Variants in MELK observed in about 807,000 individuals in gnomAD.
The protein encoded by MELK is pEg3 kinase.
MELK carries 81 observed loss-of-function variants against 85.0 expected under a neutral mutation model. The observed-to-expected ratio is 0.95, with a 90% confidence interval of 0.80 to 1.15. The LOEUF (loss-of-function observed/expected upper bound fraction) is 1.15. Among genes scored for constraint, MELK ranks in the 50% most tolerant of loss-of-function variants. The pLI is 0.00. For missense variants in MELK, 754 were observed against 777.5 expected, an observed-to-expected ratio of 0.97 and a Z score of 0.36; for synonymous variants, 252 against 265.0, an observed-to-expected ratio of 0.95 and a Z score of 0.48.
chr9:36,602,139 A>G (rs552663479), intron 7 of MELK, among the ~76,000 whole-genome samples: 1 of 152,006 alleles, frequency 6.6e-6, no homozygotes. Context: ...ATTTTGTGGA[A>G]TCTCCATACT....
At chr9:36,607,757 C>A in intron 8 of MELK, 84 bp downstream of exon 8, 1 of 1,005,906 alleles carries the variant, frequency 9.9e-7, no homozygotes, top group Non-Finnish European at 1.5e-6. Context: ...TGTACAAAAA[C>A]AGGCATAAAA....
At chr9:36,603,507 C>T (rs892905014) in intron 7 of MELK, among the ~76,000 whole-genome samples, 2 of 151,844 alleles carry the variant, frequency 1.3e-5, no homozygotes, top group Non-Finnish European at 2.9e-5. Context: ...CTATGGCTCA[C>T]GGTAGCCTTT....
intron 16 of MELK, among the ~76,000 whole-genome samples, chr9:36,674,473 A>G (rs901925958): frequency 6.6e-6 from 1 of 152,208 alleles, no homozygotes; most frequent in Non-Finnish European, 1.5e-5. Flanking sequence ...TTTCCGTGGT[A>G]TACATTTCAG....
intron 2 of MELK, among the ~76,000 whole-genome samples, chr9:36,582,116 C>T (rs537021397): frequency 6.6e-5 from 10 of 152,008 alleles, no homozygotes; most frequent in Non-Finnish European, 1.0e-4. Context: ...GGACTACAGG[C>T]GCTCGCCATG....
At chr9:36,578,200 A>T (rs1477809709) in intron 1 of MELK, among the ~76,000 whole-genome samples, 2 of 151,150 alleles carry the variant, frequency 1.3e-5, no homozygotes, top group East Asian at 3.9e-4. Context: ...AAGTCTTTAC[A>T]ACTGTTACTG....
chr9:36,661,123 C>G (rs1041025982), intron 13 of MELK, among the ~76,000 whole-genome samples: 16 of 152,196 alleles, frequency 1.1e-4, no homozygotes, highest in African/African-American at 2.4e-4. Context: ...TGTTCTGCCC[C>G]CTCCAGCGGC....
chr9:36,675,529 A>G (rs1307476354), intron 17 of MELK, among the ~76,000 whole-genome samples: 3 of 152,216 alleles, frequency 2.0e-5, no homozygotes, highest in African/African-American at 7.2e-5. Context: ...TGTCTGCTTT[A>G]CAATAATATT....
intron 1 of MELK, among the ~76,000 whole-genome samples, chr9:36,575,025 A>G (rs566193216): frequency 3.9e-5 from 6 of 152,022 alleles, no homozygotes; most frequent in Non-Finnish European, 7.4e-5. Flanking sequence ...AATCCCAGCT[A>G]CTTGGGAGGC....
At chr9:36,589,920 GTTT>G (rs566073692) in intron 4 of MELK, among the ~76,000 whole-genome samples, 1 of 125,804 alleles carries the variant, frequency 7.9e-6, no homozygotes. Flanking sequence ...ACTCATTCTA[GTTT>G]TTTTTTTTTT....
intron 8 of MELK, among the ~76,000 whole-genome samples, chr9:36,616,811 A>AC (rs1234462443): frequency 7.1e-6 from 1 of 140,614 alleles, no homozygotes; most frequent in Non-Finnish European, 1.5e-5. Flanking sequence ...TCTTTCTGCT[A>AC]CCCCCTTCCC....
At chr9:36,650,388 T>A (rs1830599313) in intron 11 of MELK, among the ~76,000 whole-genome samples, 1 of 152,180 alleles carries the variant, frequency 6.6e-6, no homozygotes, top group African/African-American at 2.4e-5. Context: ...CACCAAGGCC[T>A]GTTCTAGTGG....
chr9:36,601,013 T>C (rs1824861640), intron 7 of MELK, among the ~76,000 whole-genome samples: 2 of 152,198 alleles, frequency 1.3e-5, no homozygotes, highest in East Asian at 3.8e-4. Context: ...TCTATGTTTA[T>C]ATATATGCAT....
At chr9:36,584,588 C>T (rs867284845) in intron 3 of MELK, among the ~76,000 whole-genome samples, 4 of 151,218 alleles carry the variant, frequency 2.6e-5, no homozygotes, top group African/African-American at 9.7e-5. Flanking sequence ...GTGCCTCGAC[C>T]TCCCAAAGTG....
intron 13 of MELK, among the ~76,000 whole-genome samples, 185 bp from the exon 14 acceptor site, chr9:36,665,165 C>T (rs925820217): frequency 1.3e-5 from 2 of 152,086 alleles, no homozygotes; most frequent in Admixed American, 1.3e-4. Flanking sequence ...ATAGAACAGA[C>T]TAAAGTGATC....
chr9:36,619,266 ACGT>A (rs1827167374), intron 8 of MELK, among the ~76,000 whole-genome samples: 1 of 152,156 alleles, frequency 6.6e-6, no homozygotes, highest in Admixed American at 6.5e-5. Context: ...GCCTAACTCT[ACGT>A]ATTCTTTAGG....
intron 13 of MELK, among the ~76,000 whole-genome samples, chr9:36,664,647 C>T (rs984025500): frequency 6.6e-6 from 1 of 152,160 alleles, no homozygotes; most frequent in South Asian, 2.1e-4. Flanking sequence ...TGCCTATTCC[C>T]TTTGAAGAGC....
At chr9:36,633,656 T>C (rs1176470733) in intron 10 of MELK, among the ~76,000 whole-genome samples, 1 of 152,204 alleles carries the variant, frequency 6.6e-6, no homozygotes, top group Non-Finnish European at 1.5e-5. Context: ...AAAACTAATA[T>C]GATAAAACTA....
chr9:36,651,802 G>A lies in MELK; in HGVS notation c.978G>A (p.Arg326=). The change falls in exon 12 of 18, where the codon CGG becomes CGA. Residue 326 remains arginine (R), a synonymous_variant. Transcript: ENST00000298048. Reference sequence around the variant, plus strand: ...TTCTGCTTCTAGCCAAGAAGGCTCGGGGAAAACCAGTTCGTTTAAGGCTTT... The same window carrying A: ...TTCTGCTTCTAGCCAAGAAGGCTCGAGGAAAACCAGTTCGTTTAAGGCTTT... ...TYLLLLAKKA[R]GKPVRLRLSS... 1 of 1,613,970 alleles carries A rather than the reference G, an allele frequency of 6.2e-7. No individual in the cohort carries two copies. The highest frequency in any genetic ancestry group is 1.3e-5 in the African/African-American group (1 of 74,992).
intron 8 of MELK, among the ~76,000 whole-genome samples, chr9:36,617,479 T>G (rs1826953744): frequency 6.6e-6 from 1 of 152,010 alleles, no homozygotes; most frequent in Non-Finnish European, 1.5e-5. Flanking sequence ...ACTACAGGCG[T>G]GCGCTACCAC....
Sources: gnomAD v4.1 joint callset for allele counts (sites outside exome capture counted in the v4.1 genomes callset) on GRCh38, gnomAD v4.1.1 for gene constraint, MANE v1.5 for transcripts, NCBI Gene and HGNC (gene_info 2026-07-23, HGNC 2026-07-21) for gene names.